The following TFAP2D variants were observed in gnomAD, a reference collection of about 807,000 sequenced individuals.
TFAP2D encodes the protein transcription factor AP-2 delta, also known as transcription factor AP-2-delta.
Under a neutral mutation model 43.6 loss-of-function variants are expected in TFAP2D, and 9 were observed. That is an observed-to-expected ratio of 0.21 (90% confidence interval 0.12 to 0.36). The LOEUF (loss-of-function observed/expected upper bound fraction) is 0.36, where lower values mean the gene tolerates loss of function less well. Among genes scored for constraint, TFAP2D ranks in the 10% least tolerant of loss-of-function variants. TFAP2D has a pLI of 1.00. For missense variants in TFAP2D, 513 were observed against 561.4 expected (o/e 0.91, Z 0.87); for synonymous variants, 256 against 224.9 (o/e 1.14, Z -1.24).
intron 1 of TFAP2D, among the ~76,000 whole-genome samples, chr6:50,714,885 T>C (rs952572638): frequency 1.3e-5 from 2 of 152,002 alleles, no homozygotes; most frequent in Admixed American, 6.6e-5. Context: ...TGGGGGATTT[T>C]TTTTCCGCTC....
At chr6:50,727,789 T>C (rs9381891) in intron 3 of TFAP2D, among the ~76,000 whole-genome samples, 53,455 of 152,044 alleles carry the variant, frequency 0.35, 9,941 homozygotes, top group African/African-American at 0.47. Context: ...ACTCTGCCTT[T>C]AGATTGCTCA....
At chr6:50,726,199 A>G (rs1768804761) in intron 3 of TFAP2D, among the ~76,000 whole-genome samples, 1 of 152,184 alleles carries the variant, frequency 6.6e-6, no homozygotes, top group African/African-American at 2.4e-5. Flanking sequence ...TTCAACACAT[A>G]AGGTTCACTT....
intron 7 of TFAP2D, among the ~76,000 whole-genome samples, chr6:50,765,288 A>G (rs1769425603): frequency 6.6e-6 from 1 of 152,188 alleles, no homozygotes; most frequent in Non-Finnish European, 1.5e-5. Context: ...ATAATTTTAT[A>G]TACATCTTGA....
chr6:50,761,840 A>G (rs1260622820), intron 7 of TFAP2D, among the ~76,000 whole-genome samples: 1 of 152,076 alleles, frequency 6.6e-6, no homozygotes, highest in Non-Finnish European at 1.5e-5. Context: ...TCAGATTCCT[A>G]TACTAGCTTA....
chr6:50,744,850 T>C lies in TFAP2D; in HGVS notation c.884-257T>C, dbSNP rs114047821. On this transcript the variant is annotated intron_variant, in intron 5 of 7. Coordinates refer to ENST00000008391, the MANE Select transcript of TFAP2D (RefSeq NM_172238.4). ...CATGAGGGGAATCAACACTTCTGGA[T>C]TGTGTTTCTGTTTTTTTCCCCTCAA... Among the ~76,000 whole-genome samples the C allele has an allele frequency of 9.9e-3, 1,499 of 152,130 alleles. 20 individuals are homozygous for C. The highest frequency in any genetic ancestry group is 0.034 in the African/African-American group (1,424 of 41,516).
chr6:50,724,697 G>A (rs1315107866), intron 3 of TFAP2D, among the ~76,000 whole-genome samples: 1 of 152,106 alleles, frequency 6.6e-6, no homozygotes, highest in Non-Finnish European at 1.5e-5. Flanking sequence ...GGGATGAGAA[G>A]AGAAAAAGCT....
chr6:50,732,257 A>G (rs901547678), intron 5 of TFAP2D, among the ~76,000 whole-genome samples: 2 of 151,922 alleles, frequency 1.3e-5, no homozygotes, highest in African/African-American at 4.8e-5. Flanking sequence ...TTAAACTGAA[A>G]TCTCTCCTTT....
intron 5 of TFAP2D, among the ~76,000 whole-genome samples, chr6:50,731,730 C>A (rs1768896436): frequency 6.6e-6 from 1 of 152,002 alleles, no homozygotes; most frequent in Admixed American, 6.6e-5. Flanking sequence ...AGAGTGACTT[C>A]ATTGTTGATG....
chr6:50,772,591 C>G (rs1769544602), intron 7 of TFAP2D, 54 bp from the exon 8 acceptor site: 4 of 1,495,054 alleles, frequency 2.7e-6, no homozygotes, highest in Non-Finnish European at 3.7e-6. Flanking sequence ...TTTGCTATTT[C>G]ACATGATACT....
chr6:50,772,879 A>T lies in TFAP2D; in HGVS notation c.*15A>T. ...AGACAGACTAGCTACATCAAACAGA[A>T]TCTATTTCCAGAGAGTCTTGCTGCT... is the stretch of plus-strand genomic sequence containing the variant. On this transcript the variant is annotated 3_prime_UTR_variant, in exon 8 of 8. Transcript: ENST00000008391. The T allele has an allele frequency of 6.3e-7, 1 of 1,599,888 alleles. No homozygotes were observed. Among genetic ancestry groups the T allele is most frequent in the Non-Finnish European group, 8.5e-7 (1 of 1,172,234 alleles).
intron 6 of TFAP2D, among the ~76,000 whole-genome samples, chr6:50,750,523 A>G (rs2113885727): frequency 6.6e-6 from 1 of 152,110 alleles, no homozygotes; most frequent in Admixed American, 6.6e-5. Context: ...TGTACATCAC[A>G]AAGTCTTTAC....
At chr6:50,743,857 A>G (rs1007899043) in intron 5 of TFAP2D, among the ~76,000 whole-genome samples, 1 of 152,136 alleles carries the variant, frequency 6.6e-6, no homozygotes, top group Non-Finnish European at 1.5e-5. Flanking sequence ...ATATAGGTGC[A>G]ATAAAAATTA....
intron 5 of TFAP2D, among the ~76,000 whole-genome samples, chr6:50,737,479 TACAA>T (rs1768980307): frequency 6.6e-6 from 1 of 152,292 alleles, no homozygotes; most frequent in Admixed American, 6.5e-5. Context: ...AAATAAATAA[TACAA>T]ACAAATAGTT....
intron 6 of TFAP2D, among the ~76,000 whole-genome samples, chr6:50,747,923 T>C (rs1380022077): frequency 6.6e-6 from 1 of 152,108 alleles, no homozygotes; most frequent in African/African-American, 2.4e-5. Flanking sequence ...AATTTTATTT[T>C]ATCTGTCTGC....
At chr6:50,745,816 G>T (rs1486054195) in intron 6 of TFAP2D, among the ~76,000 whole-genome samples, 5 of 151,888 alleles carry the variant, frequency 3.3e-5, no homozygotes, top group African/African-American at 7.3e-5. Context: ...GTATTTCAAA[G>T]CTTCTGGAAA....
intron 7 of TFAP2D, among the ~76,000 whole-genome samples, chr6:50,771,030 CAAG>C (rs1293738752): frequency 2.0e-5 from 3 of 152,182 alleles, no homozygotes; most frequent in African/African-American, 7.2e-5. Context: ...CTTCTGTTCA[CAAG>C]AAGACTAAAT....
At chr6:50,766,654 C>CTTTTTTTTTTTGTTTTTTTTTT (rs1769446269) in intron 7 of TFAP2D, among the ~76,000 whole-genome samples, 1 of 57,384 alleles carries the variant, frequency 1.7e-5, no homozygotes, top group Non-Finnish European at 3.5e-5. Context: ...AGATTGCTTT[C>CTTTTTTTTTTTGTTTTTTTTTT]TTTTTTTTTT....
chr6:50,751,631 G>T (rs1769201969), intron 7 of TFAP2D, among the ~76,000 whole-genome samples: 1 of 151,858 alleles, frequency 6.6e-6, no homozygotes, highest in Admixed American at 6.6e-5. Context: ...GGCCAAACAA[G>T]ATCCCCTGGG....
chr6:50,759,447 A>G (rs1769333335), intron 7 of TFAP2D, among the ~76,000 whole-genome samples: 1 of 152,064 alleles, frequency 6.6e-6, no homozygotes, highest in Admixed American at 6.6e-5. Context: ...TTACTGATTC[A>G]TTTTAAATCA....
Sources: gnomAD v4.1 joint callset for allele counts (sites outside exome capture counted in the v4.1 genomes callset) on GRCh38, gnomAD v4.1.1 for gene constraint, MANE v1.5 for transcripts, NCBI Gene and HGNC (gene_info 2026-07-23, HGNC 2026-07-21) for gene names.